KANSL1L: variants seen among roughly 807,000 people sequenced by gnomAD.
KANSL1L encodes KAT8 regulatory NSL complex subunit 1 like, also known as KAT8 regulatory NSL complex subunit 1-like protein.
A neutral mutation model predicts 108.6 loss-of-function variants in KANSL1L; 25 were observed. That is an observed-to-expected ratio of 0.23 (90% CI 0.17 to 0.32). The LOEUF is 0.32. KANSL1L is among the 10% of genes least tolerant of loss of function. KANSL1L has a pLI of 1.00. For synonymous variants in KANSL1L, 405 were observed against 395.1 expected (o/e 1.03, Z -0.30); for missense variants, 1,137 against 1,125.7 (o/e 1.01, Z -0.14).
chr2:210,076,066 C>T (rs1165573230), intron 5 of KANSL1L, among the ~76,000 whole-genome samples: 1 of 152,160 alleles, frequency 6.6e-6, no homozygotes, highest in Non-Finnish European at 1.5e-5. Flanking sequence ...ATGTCAATTA[C>T]AGTATTTTAA....
intron 2 of KANSL1L, among the ~76,000 whole-genome samples, chr2:210,132,698 A>C (rs958885073): frequency 1.3e-5 from 2 of 152,142 alleles, no homozygotes; most frequent in Non-Finnish European, 2.9e-5. Flanking sequence ...ATGAATTTTT[A>C]CTGTTTGCTA....
chr2:210,147,569 A>G (rs918057688), intron 2 of KANSL1L, among the ~76,000 whole-genome samples: 1 of 152,242 alleles, frequency 6.6e-6, no homozygotes, highest in Non-Finnish European at 1.5e-5. Flanking sequence ...ACAGAAAGGA[A>G]AAGGTTCTTC....
chr2:210,102,262 G>A (rs964746784), intron 4 of KANSL1L, among the ~76,000 whole-genome samples: 10 of 151,980 alleles, frequency 6.6e-5, no homozygotes, highest in African/African-American at 1.9e-4. Context: ...TTGGCAATGC[G>A]GGCTCTTTTG....
chr2:210,053,098 T>C (rs1188753905), intron 6 of KANSL1L, among the ~76,000 whole-genome samples: 3 of 152,212 alleles, frequency 2.0e-5, no homozygotes, highest in Non-Finnish European at 4.4e-5. Flanking sequence ...GCATGAATGA[T>C]AGCATACTAA....
At chr2:210,084,818 G>C (rs890479428) in intron 5 of KANSL1L, among the ~76,000 whole-genome samples, 1 of 152,060 alleles carries the variant, frequency 6.6e-6, no homozygotes, top group Non-Finnish European at 1.5e-5. Context: ...CACCATGTTG[G>C]CCAGGATGGT....
upstream of KANSL1L, chr2:210,171,916 C>T (rs1237203390): frequency 1.3e-5 from 2 of 151,688 alleles, no homozygotes; most frequent in Non-Finnish European, 1.5e-5. Context: ...CAAATGCGCT[C>T]ATAATTCTTT....
At chr2:210,166,439 AATCTC>A (rs1254986997) in intron 1 of KANSL1L, among the ~76,000 whole-genome samples, 3 of 152,136 alleles carry the variant, frequency 2.0e-5, no homozygotes, top group Non-Finnish European at 4.4e-5. Context: ...TTGCTAATCT[AATCTC>A]AACGCTCAGA....
intron 2 of KANSL1L, chr2:210,153,067 T>C (rs2095313461): frequency 1.3e-5 from 2 of 155,038 alleles, no homozygotes; most frequent in African/African-American, 4.8e-5. Flanking sequence ...ACATAAAAGA[T>C]TATGGTGGCT....
intron 8 of KANSL1L, among the ~76,000 whole-genome samples, chr2:210,037,681 C>G (rs1033556999): frequency 1.1e-4 from 16 of 152,152 alleles, no homozygotes; most frequent in Non-Finnish European, 1.9e-4. Flanking sequence ...ATCTCTCCCA[C>G]CAACATTTTT....
At chr2:210,025,301 A>G in intron 12 of KANSL1L, 85 bp from the exon 13 acceptor site, 1 of 780,148 alleles carries the variant, frequency 1.3e-6, no homozygotes, top group Non-Finnish European at 2.2e-6. Flanking sequence ...TCACGCCTGT[A>G]ATCCCAACAC....
chr2:210,031,055 A>G lies in KANSL1L; in HGVS notation c.2155+366T>C, dbSNP rs528681316. 1.7e-3 allele frequency: 275 copies of G among 163,606 alleles called. 2 individuals are homozygous for G. The highest frequency in any genetic ancestry group is 2.5e-3 in the Non-Finnish European group (192 of 76,062). The allele number at this position is 163,606 out of a possible 1,614,324, so 10.1% of individuals were successfully genotyped here. On this transcript the variant is annotated intron_variant, in intron 9 of 14. Transcript: ENST00000281772. ...CAAAATCCTGAGGAATCTGCAGTGCATCAACATCTCCACAGTAGGTACCAT... is the reference window on the plus strand; with the variant it reads ...CAAAATCCTGAGGAATCTGCAGTGCGTCAACATCTCCACAGTAGGTACCAT...
At chr2:210,043,738 A>C (rs1003807402) in intron 7 of KANSL1L, 1 of 392,142 alleles carries the variant, frequency 2.6e-6, no homozygotes. Flanking sequence ...TAAAGAATCA[A>C]CTTACACAGA....
intron 12 of KANSL1L, 136 bp downstream of exon 12, chr2:210,027,160 C>G (rs1176618280): frequency 1.4e-5 from 8 of 571,684 alleles, no homozygotes; most frequent in African/African-American, 1.9e-5. Flanking sequence ...AAAAGAACTT[C>G]CTTTTCATAA....
chr2:210,101,400 A>C (rs958626229), intron 4 of KANSL1L, among the ~76,000 whole-genome samples: 3 of 152,266 alleles, frequency 2.0e-5, no homozygotes, highest in African/African-American at 7.2e-5. Flanking sequence ...TCAAGGAGAA[A>C]GGAAAAAGTA....
Position 210,154,435 on chromosome 2 carries a change from C to CA in KANSL1L, c.147dup (p.Gly50TrpfsTer6). On this transcript the variant is annotated frameshift_variant, in exon 2 of 15. Coordinates refer to ENST00000281772, the MANE Select transcript of KANSL1L (RefSeq NM_152519.4). LOFTEE classifies it high-confidence loss of function. ...AGAGTAGGTTCAGGAGTTGGAAATC[C>CA]AAGCATCTGAGAAAAGGTGTCTCCC... 6.2e-7 allele frequency: 1 copy of CA among 1,613,298 alleles called. No individual in the cohort carries two copies. The highest frequency in any genetic ancestry group is 1.3e-5 in the African/African-American group (1 of 74,938).
At chr2:210,096,952 TA>T in intron 5 of KANSL1L, 1 of 271,442 alleles carries the variant, frequency 3.7e-6, no homozygotes, top group Non-Finnish European at 5.6e-6. Flanking sequence ...TTTATTTATT[TA>T]TTTTTTTGGA....
intron 8 of KANSL1L, 74 bp from the exon 9 acceptor site, chr2:210,031,620 T>G (rs1559500297): frequency 1.1e-6 from 1 of 930,742 alleles, no homozygotes; most frequent in Non-Finnish European, 1.5e-6. Flanking sequence ...TCTGTTTTTA[T>G]TTGTAACTGC....
chr2:210,076,448 A>C (rs569633842), intron 5 of KANSL1L, among the ~76,000 whole-genome samples: 1 of 152,272 alleles, frequency 6.6e-6, no homozygotes, highest in South Asian at 2.1e-4. Context: ...TGGCCTCCCA[A>C]AGTGCTGGGA....
At chr2:210,084,502 T>C (rs549770485) in intron 5 of KANSL1L, among the ~76,000 whole-genome samples, 24 of 152,282 alleles carry the variant, frequency 1.6e-4, no homozygotes, top group African/African-American at 5.5e-4. Context: ...GCTTCAGATA[T>C]AATATTAACT....
Sources: gnomAD v4.1 joint callset for allele counts (sites outside exome capture counted in the v4.1 genomes callset) on GRCh38, gnomAD v4.1.1 for gene constraint, MANE v1.5 for transcripts, NCBI Gene and HGNC (gene_info 2026-07-23, HGNC 2026-07-21) for gene names.